Variants in NIPAL3 observed in about 807,000 individuals in gnomAD.
The protein encoded by NIPAL3 is NIPA like domain containing 3, also known as NIPA-like protein 3.
NIPAL3 carries 41 observed loss-of-function variants against 47.2 expected under a neutral mutation model. That is an observed-to-expected ratio of 0.87 (90% CI 0.68 to 1.13). The LOEUF (loss-of-function observed/expected upper bound fraction) is 1.13, where lower values mean the gene tolerates loss of function less well. Ranked by LOEUF, NIPAL3 falls within the 50% of genes most tolerant of loss-of-function variation. The probability of loss-of-function intolerance (pLI) is 0.00; values close to 1 mark genes in which losing one functional copy is unlikely to be tolerated. For synonymous variants in NIPAL3, 194 were observed against 209.6 expected, an observed-to-expected ratio of 0.93 and a Z score of 0.64; for missense variants, 449 against 530.1, an observed-to-expected ratio of 0.85 and a Z score of 1.50.
intron 2 of NIPAL3, among the ~76,000 whole-genome samples, chr1:24,434,172 C>T (rs1365586459): frequency 6.6e-6 from 1 of 152,076 alleles, no homozygotes; most frequent in Non-Finnish European, 1.5e-5. Context: ...TATTTTAAAA[C>T]ATTCAAGTAT....
In NIPAL3 at chr1:24,454,311, T is replaced by G. The variant is rs1646091774; in HGVS notation, c.637+807T>G. The G allele has an allele frequency of 8.8e-7, 1 of 1,136,572 alleles. No individual in the cohort carries two copies. The allele number at this position is 1,136,572 out of a possible 1,614,324, so 70.4% of individuals were successfully genotyped here. Reference sequence around the variant, plus strand: ...GGGCTGGTGAAGCCTGCTACCGCGCTGCTCTTGAGTGGCCTCAGGCTAATG... The same window carrying G: ...GGGCTGGTGAAGCCTGCTACCGCGCGGCTCTTGAGTGGCCTCAGGCTAATG... On this transcript the variant is annotated intron_variant, in intron 7 of 11. Transcript: ENST00000374399. The surrounding 1 kb of genome is among the most constrained non-coding windows in gnomAD (Gnocchi z 4.1).
upstream of NIPAL3, chr1:24,414,091 T>A (rs1442246083): frequency 1.3e-5 from 2 of 152,248 alleles, no homozygotes; most frequent in Non-Finnish European, 2.9e-5. Flanking sequence ...TCGAGCAGGC[T>A]GTAGTGCAGT....
chr1:24,467,703 T>C (rs1049319876), intron 11 of NIPAL3, among the ~76,000 whole-genome samples: 4 of 152,196 alleles, frequency 2.6e-5, no homozygotes, highest in Non-Finnish European at 4.4e-5. Flanking sequence ...TAAGCCATTG[T>C]CATTGCTATT....
intron 1 of NIPAL3, among the ~76,000 whole-genome samples, chr1:24,418,645 G>A (rs1644171737): frequency 6.6e-6 from 1 of 152,134 alleles, no homozygotes; most frequent in African/African-American, 2.4e-5. Flanking sequence ...GAAAATATAA[G>A]TCCGATGAAA....
chr1:24,466,976 T>C (rs1646724379), intron 11 of NIPAL3, among the ~76,000 whole-genome samples: 1 of 152,200 alleles, frequency 6.6e-6, no homozygotes, highest in Admixed American at 6.5e-5. Flanking sequence ...GTAAGAGCAC[T>C]GCAGATCCCA....
At chr1:24,441,942 C>T in intron 3 of NIPAL3, 113 bp from the exon 4 acceptor site, 1 of 1,088,098 alleles carries the variant, frequency 9.2e-7, no homozygotes. Flanking sequence ...CCACAAGAAC[C>T]TGACAAGTCT....
intron 5 of NIPAL3, among the ~76,000 whole-genome samples, chr1:24,448,493 G>A (rs970451265): frequency 1.7e-4 from 26 of 152,064 alleles, no homozygotes; most frequent in African/African-American, 6.3e-4. Context: ...AAAGGATGAG[G>A]TAATTTTTAA....
intron 2 of NIPAL3, among the ~76,000 whole-genome samples, chr1:24,431,118 A>C (rs191363887): frequency 6.6e-6 from 1 of 152,210 alleles, no homozygotes; most frequent in South Asian, 2.1e-4. Flanking sequence ...GGGCCAAACT[A>C]TCCCATTCCA....
intron 7 of NIPAL3, 84 bp downstream of exon 7, chr1:24,453,588 C>A: frequency 9.3e-7 from 1 of 1,070,336 alleles, no homozygotes; most frequent in Non-Finnish European, 1.4e-6. Context: ...AGAGCTGTAG[C>A]CGCTGGGCAC....
intron 1 of NIPAL3, among the ~76,000 whole-genome samples, chr1:24,418,256 G>A (rs1482907320): frequency 1.3e-5 from 2 of 152,274 alleles, no homozygotes; most frequent in Non-Finnish European, 1.5e-5. Context: ...TGTATAAAAA[G>A]TCCTCAAAGA....
chr1:24,456,861 C>T (rs1646238661), intron 8 of NIPAL3, among the ~76,000 whole-genome samples: 2 of 152,118 alleles, frequency 1.3e-5, no homozygotes, highest in Non-Finnish European at 2.9e-5. Flanking sequence ...CTCTGGGGTT[C>T]AAGCGATTCT....
At chr1:24,418,920 GTTT>G (rs57731517) in intron 1 of NIPAL3, among the ~76,000 whole-genome samples, 3 of 133,884 alleles carry the variant, frequency 2.2e-5, no homozygotes, top group Admixed American at 7.4e-5. Flanking sequence ...TAGTGGAATT[GTTT>G]TTTTTTTTTT....
intron 2 of NIPAL3, among the ~76,000 whole-genome samples, chr1:24,424,462 A>G (rs762721655): frequency 9.9e-5 from 15 of 152,244 alleles, no homozygotes; most frequent in Non-Finnish European, 2.1e-4. Context: ...GGAACAGATG[A>G]AGGTACACAG....
At chr1:24,424,475 T>G (rs570386969) in intron 2 of NIPAL3, among the ~76,000 whole-genome samples, 12 of 151,820 alleles carry the variant, frequency 7.9e-5, no homozygotes, top group Non-Finnish European at 1.8e-4. Context: ...GTACACAGAG[T>G]AGAGGGGACG....
At chr1:24,445,039 C>G in intron 4 of NIPAL3, 146 bp from the exon 5 acceptor site, 1 of 579,994 alleles carries the variant, frequency 1.7e-6, no homozygotes, top group Non-Finnish European at 3.1e-6. Flanking sequence ...TGGAATCACA[C>G]AGGAACCAAG....
At chr1:24,441,610 C>T (rs115933144) in intron 3 of NIPAL3, among the ~76,000 whole-genome samples, 3,720 of 152,156 alleles carry the variant, frequency 0.024, 157 homozygotes, top group African/African-American at 0.085. Context: ...AGGAGTGTGC[C>T]GAACACACAG....
intron 8 of NIPAL3, 103 bp from the exon 9 acceptor site, chr1:24,458,785 T>G: frequency 1.1e-6 from 1 of 881,406 alleles, no homozygotes; most frequent in Non-Finnish European, 1.9e-6. Context: ...GGAACATTCC[T>G]AAATGTATCA....
intron 2 of NIPAL3, among the ~76,000 whole-genome samples, chr1:24,432,271 G>T (rs1309636174): frequency 2.0e-5 from 3 of 152,126 alleles, no homozygotes; most frequent in Non-Finnish European, 2.9e-5. Context: ...GGAATTACAG[G>T]CGTGTGCCAC....
intron 2 of NIPAL3, among the ~76,000 whole-genome samples, chr1:24,430,138 A>G (rs1447076934): frequency 6.6e-6 from 1 of 152,220 alleles, no homozygotes; most frequent in African/African-American, 2.4e-5. Context: ...TTCTACTGCA[A>G]GTTTTGTTTC....
Sources: gnomAD v4.1 joint callset for allele counts (sites outside exome capture counted in the v4.1 genomes callset) on GRCh38, gnomAD v4.1.1 for gene constraint, Gnocchi (gnomAD v3.1) non-coding constraint, MANE v1.5 for transcripts, NCBI Gene and HGNC (gene_info 2026-07-23, HGNC 2026-07-21) for gene names.